PTBP2: variants seen among roughly 807,000 people sequenced by gnomAD.
The protein encoded by PTBP2 is polypyrimidine tract-binding protein 2.
PTBP2 carries 13 observed loss-of-function variants against 61.4 expected under a neutral mutation model. That is an observed-to-expected ratio of 0.21 (90% CI 0.14 to 0.34). The LOEUF (loss-of-function observed/expected upper bound fraction) is 0.34. Ranked by LOEUF, PTBP2 falls within the 10% of genes least tolerant of loss-of-function variation. The pLI, the probability that PTBP2 is intolerant of heterozygous loss-of-function variation, is 1.00. For synonymous variants in PTBP2, 215 were observed against 218.5 expected, an observed-to-expected ratio of 0.98 and a Z score of 0.14; for missense variants, 405 against 642.6, an observed-to-expected ratio of 0.63 and a Z score of 4.00.
intron 8 of PTBP2, among the ~76,000 whole-genome samples, chr1:96,790,169 T>C (rs538300949): frequency 5.4e-4 from 82 of 152,220 alleles, no homozygotes; most frequent in African/African-American, 1.9e-3. Context: ...TAGACTAGTC[T>C]GGCTGTTTCT....
At chr1:96,733,979 G>T (rs745664024) in intron 2 of PTBP2, among the ~76,000 whole-genome samples, 3 of 152,084 alleles carry the variant, frequency 2.0e-5, no homozygotes, top group South Asian at 2.1e-4. Flanking sequence ...CTTGGTCTAC[G>T]TGTGTTCCTA....
chr1:96,818,046 T>C (rs1405750563), downstream of PTBP2: 2 of 152,068 alleles, frequency 1.3e-5, no homozygotes, highest in Admixed American at 6.6e-5. Context: ...CAAGGAGCTA[T>C]ATCATTGGTA....
At chr1:96,804,205 A>G (rs1661291935) in intron 8 of PTBP2, among the ~76,000 whole-genome samples, 1 of 152,174 alleles carries the variant, frequency 6.6e-6, no homozygotes, top group South Asian at 2.1e-4. Context: ...AGGAACTTGT[A>G]TTCATTTTAA....
At chr1:96,767,287 C>T (rs1386266645) in intron 3 of PTBP2, among the ~76,000 whole-genome samples, 2 of 152,072 alleles carry the variant, frequency 1.3e-5, no homozygotes, top group African/African-American at 4.8e-5. Context: ...CAGGCTTTTG[C>T]CTTTTGGGAA....
intron 2 of PTBP2, among the ~76,000 whole-genome samples, chr1:96,741,501 G>T (rs1171386356): frequency 6.6e-6 from 1 of 152,060 alleles, no homozygotes; most frequent in Non-Finnish European, 1.5e-5. Context: ...GGCTCAAGCA[G>T]TTCTCCCGCA....
chr1:96,758,155 ATGT>A (rs1039671664), intron 3 of PTBP2, among the ~76,000 whole-genome samples: 16 of 152,074 alleles, frequency 1.1e-4, no homozygotes, highest in Admixed American at 1.3e-4. Flanking sequence ...AATATTAGTA[ATGT>A]TGTTAAGGCT....
At chr1:96,726,501 G>A (rs1650550579) in intron 2 of PTBP2, among the ~76,000 whole-genome samples, 1 of 150,634 alleles carries the variant, frequency 6.6e-6, no homozygotes, top group Non-Finnish European at 1.5e-5. Context: ...GCAGTGTCGC[G>A]ATCTCTGCTC....
rs1324383646 is a variant in PTBP2, at chr1:96,777,713, C to T, written c.561C>T (p.Asn187=). 9 of 1,611,800 alleles carry T rather than the reference C, an allele frequency of 5.6e-6. No homozygotes were observed. In the East Asian group the frequency reaches 1.6e-4, roughly 28 times the overall value. The change falls in exon 6 of 14, where the codon AAC becomes AAT. Residue 187 remains asparagine (N), a synonymous_variant. Coordinates refer to ENST00000674951, the MANE Select transcript of PTBP2 (RefSeq NM_021190.4). Reference sequence around the variant, plus strand: ...CAGTACTTAGAATAATTATTGACAACATGTACTACCCTGTAACACTTGATG... The same window carrying T: ...CAGTACTTAGAATAATTATTGACAATATGTACTACCCTGTAACACTTGATG... ...QSPVLRIIID[N]MYYPVTLDVL... is the part of the protein sequence containing the mutation.
chr1:96,746,799 T>C (rs1481480324), intron 2 of PTBP2, among the ~76,000 whole-genome samples: 5 of 151,436 alleles, frequency 3.3e-5, no homozygotes, highest in African/African-American at 1.2e-4. Context: ...GCTTGCCTTG[T>C]CACTTCTTTA....
chr1:96,735,535 G>A (rs1051365568), intron 2 of PTBP2, among the ~76,000 whole-genome samples: 1 of 152,092 alleles, frequency 6.6e-6, no homozygotes, highest in East Asian at 1.9e-4. Flanking sequence ...GATGAGAATG[G>A]TTGTTGTTGT....
At chr1:96,768,576 T>C (rs1347276596) in intron 3 of PTBP2, among the ~76,000 whole-genome samples, 1 of 152,062 alleles carries the variant, frequency 6.6e-6, no homozygotes, top group Non-Finnish European at 1.5e-5. Flanking sequence ...TGATCTGGCA[T>C]AGTAGATATA....
intron 10 of PTBP2, 60 bp from the exon 11 acceptor site, chr1:96,806,806 G>A (rs563986850): frequency 2.9e-5 from 36 of 1,224,736 alleles, no homozygotes; most frequent in Non-Finnish European, 4.2e-5. Flanking sequence ...ATAATCTTTA[G>A]GTGACTTCCA....
intron 7 of PTBP2, among the ~76,000 whole-genome samples, chr1:96,781,166 C>T (rs1212670184): frequency 6.6e-6 from 1 of 151,974 alleles, no homozygotes; most frequent in Non-Finnish European, 1.5e-5. Context: ...GGCTTCTGGA[C>T]CGTCAATCAT....
chr1:96,734,532 C>T (rs1328723838), intron 2 of PTBP2, among the ~76,000 whole-genome samples: 1 of 151,058 alleles, frequency 6.6e-6, no homozygotes, highest in Non-Finnish European at 1.5e-5. Context: ...GTCGTTATTA[C>T]CTCTTAAATA....
intron 3 of PTBP2, among the ~76,000 whole-genome samples, chr1:96,763,845 A>G (rs1656341270): frequency 6.6e-6 from 1 of 152,204 alleles, no homozygotes; most frequent in South Asian, 2.1e-4. Context: ...GTCTGCATAT[A>G]TTCTAAGAGA....
At chr1:96,792,957 A>G (rs1660007503) in intron 8 of PTBP2, among the ~76,000 whole-genome samples, 1 of 152,196 alleles carries the variant, frequency 6.6e-6, no homozygotes, top group African/African-American at 2.4e-5. Flanking sequence ...TAAACATGCT[A>G]GTATTTCCCA....
At chr1:96,744,165 A>G (rs1653430729) in intron 2 of PTBP2, among the ~76,000 whole-genome samples, 1 of 152,166 alleles carries the variant, frequency 6.6e-6, no homozygotes, top group East Asian at 1.9e-4. Context: ...CAGAGGTTGC[A>G]GCGAGCCGAG....
intron 2 of PTBP2, among the ~76,000 whole-genome samples, chr1:96,744,730 G>T (rs557603948): frequency 1.3e-5 from 2 of 152,124 alleles, no homozygotes; most frequent in African/African-American, 4.8e-5. Flanking sequence ...TGTGTACATT[G>T]TTTATAAAAT....
At chr1:96,798,330 C>A (rs1570988125) in intron 8 of PTBP2, among the ~76,000 whole-genome samples, 1 of 152,130 alleles carries the variant, frequency 6.6e-6, no homozygotes, top group South Asian at 2.1e-4. Flanking sequence ...TGCTTGAACC[C>A]AGGAGGTGGA....
Sources: allele counts gnomAD v4.1 joint callset (sites outside exome capture counted in the v4.1 genomes callset), GRCh38; gene constraint gnomAD v4.1.1; transcripts MANE v1.5; gene names NCBI Gene and HGNC (gene_info 2026-07-23, HGNC 2026-07-21).